Variants in CLCN2 observed in about 807,000 individuals in gnomAD.
The protein encoded by CLCN2 is chloride voltage-gated channel 2.
In CLCN2, 72 loss-of-function variants were observed where a neutral mutation model predicts 108.3. That is an observed-to-expected ratio of 0.66 (90% confidence interval 0.55 to 0.81). The LOEUF (loss-of-function observed/expected upper bound fraction) is 0.81. Among genes scored for constraint, CLCN2 ranks in the 30% least tolerant of loss-of-function variants. CLCN2 has a pLI of 0.00. For synonymous variants in CLCN2, 471 were observed against 467.1 expected (o/e 1.01, Z -0.11); for missense variants, 1,048 against 1,205.2 (o/e 0.87, Z 1.93).
chr3:184,356,301 C>G (rs1728539796), intron 10 of CLCN2: 1 of 192,006 alleles, frequency 5.2e-6, no homozygotes, highest in South Asian at 1.0e-4. Flanking sequence ...CCTCCCCACT[C>G]CCAATCCTCA....
chr3:184,354,697 G>C (rs749724092), intron 13 of CLCN2, 39 bp from the exon 14 acceptor site: 5 of 1,483,586 alleles, frequency 3.4e-6, no homozygotes, highest in Non-Finnish European at 4.7e-6. Context: ...AGGCAGTGGA[G>C]GGGGAGGGCA....
At position 184,356,940 on chromosome 3, in the gene CLCN2, T is replaced by C. The variant is rs908692279; in HGVS notation, c.1085+53A>G. 6 of 1,280,794 alleles carry C rather than the reference T, an allele frequency of 4.7e-6. No individual in the cohort carries two copies. In the African/African-American group the frequency reaches 7.3e-5, roughly 16 times the overall value. 79.3% of individuals were successfully genotyped at this position (1,280,794 alleles called of 1,614,324 possible). ...TCCCCATCACTGTCCCCTGACCTACTGTGGCCCTTATACAACTCAAAGCAG... is the reference window on the plus strand; with the variant it reads ...TCCCCATCACTGTCCCCTGACCTACCGTGGCCCTTATACAACTCAAAGCAG... On this transcript the variant is annotated intron_variant, in intron 10 of 23. Transcript: ENST00000265593.
Position 184,355,817 on chromosome 3 carries a change from G to A in CLCN2, c.1086-39C>T, listed in dbSNP as rs201536852. 42 of 1,564,980 alleles carry A rather than the reference G, an allele frequency of 2.7e-5. No individual in the cohort carries two copies. In the East Asian group the frequency reaches 9.0e-4, roughly 34 times the overall value. ...TTTCACATCAGTCGTGGGTGGCCAA[G>A]GGCTGGGTGGCCTCGCATATCTCAG... On this transcript the variant is annotated intron_variant, in intron 10 of 23. Coordinates refer to ENST00000265593, the MANE Select transcript of CLCN2 (RefSeq NM_004366.6). This position sits in a 1 kb window ranked among gnomAD's most constrained non-coding sequence, Gnocchi z 6.3.
rs368851440 is a variant in CLCN2, at chr3:184,360,877, G to A, written c.63+540C>T. ...CCCTCCCTAAAGCTCCTGTCCCCCA[G>A]AGTGGCAAGCCACCTTTTTCCAGAG... On this transcript the variant is annotated intron_variant, in intron 1 of 23. Transcript: ENST00000265593. Among the ~76,000 whole-genome samples, 18 of 152,322 alleles carry A rather than the reference G, an allele frequency of 1.2e-4. No homozygotes were observed. In the East Asian group the frequency reaches 1.7e-3, roughly 15 times the overall value.
intron 19 of CLCN2, 100 bp downstream of exon 19, chr3:184,352,637 G>A (rs1462151125): frequency 4.7e-6 from 7 of 1,476,548 alleles, no homozygotes; most frequent in African/African-American, 2.8e-5. Context: ...GAAGGGCAGG[G>A]AGAATAGAGG....
chr3:184,361,298 TC>T lies in CLCN2; in HGVS notation c.63+118del. 9.1e-7 allele frequency: 1 copy of T among 1,095,564 alleles called. No homozygotes were observed. The highest frequency in any genetic ancestry group is 1.4e-6 in the Non-Finnish European group (1 of 717,904). 67.9% of individuals were successfully genotyped at this position (1,095,564 alleles called of 1,614,324 possible). A position where few individuals can be genotyped will look rare whatever the true frequency, so the allele number is the denominator to read the frequency against. On this transcript the variant is annotated intron_variant, in intron 1 of 23. Transcript: ENST00000265593. This position sits in a 1 kb window ranked among gnomAD's most constrained non-coding sequence, Gnocchi z 6.6. ...AGCCTCAGACTTCCAAGCCTCAGTT[TC>T]CCCAGCTCAAAATGCTAGGACAGGA... is the stretch of plus-strand genomic sequence containing the variant.
chr3:184,355,350 G>A lies in CLCN2; in HGVS notation c.1326+24C>T, dbSNP rs773052958. 1 of 1,613,256 alleles carries A rather than the reference G, an allele frequency of 6.2e-7. No homozygotes were observed. Among genetic ancestry groups the A allele is most frequent in the South Asian group, 1.1e-5 (1 of 91,044 alleles). On this transcript the variant is annotated intron_variant, in intron 12 of 23. Coordinates refer to ENST00000265593, the MANE Select transcript of CLCN2 (RefSeq NM_004366.6). This position sits in a 1 kb window ranked among gnomAD's most constrained non-coding sequence, Gnocchi z 6.3. ...AGAAGGGCAAGCTATGTAAAGGTTA[G>A]CAGTGTACACGTGAGGAGCCCACCT... is the stretch of plus-strand genomic sequence containing the variant.
Position 184,355,518 on chromosome 3 carries a change from T to C in CLCN2, c.1182A>G (p.Lys394=). 1 of 1,614,082 alleles carries C rather than the reference T, an allele frequency of 6.2e-7. No homozygotes were observed. The highest frequency in any genetic ancestry group is 8.5e-7 in the Non-Finnish European group (1 of 1,180,008). Reference sequence around the variant, plus strand: ...TGTCAAACAGGGTGACCAGCGTCTCTTTCTGTGAGAGCTAGAGTGAACAGG... The same window carrying C: ...TGTCAAACAGGGTGACCAGCGTCTCCTTCTGTGAGAGCTAGAGTGAACAGG... ...GQFMAGQLSQ[K]ETLVTLFDNR... Residue 394 remains lysine (K), a synonymous_variant, in exon 12 of 24, where the codon AAA becomes AAG. Coordinates refer to ENST00000265593, the MANE Select transcript of CLCN2 (RefSeq NM_004366.6). This position sits in a 1 kb window ranked among gnomAD's most constrained non-coding sequence, Gnocchi z 6.3.
chr3:184,360,619 A>T (rs933919234), intron 1 of CLCN2, among the ~76,000 whole-genome samples: 31 of 152,136 alleles, frequency 2.0e-4, no homozygotes, highest in Admixed American at 1.3e-4. Context: ...GGTAAAAAGG[A>T]ACCACGGGCC....
intron 3 of CLCN2, 159 bp downstream of exon 3, chr3:184,358,523 G>T: frequency 8.7e-7 from 1 of 1,146,580 alleles, no homozygotes; most frequent in Non-Finnish European, 1.3e-6. Flanking sequence ...GTGCCCTGTG[G>T]GAGTGGCCGA....
Position 184,357,830 on chromosome 3 carries a change from C to T in CLCN2, c.642G>A (p.Met214Ile), listed in dbSNP as rs1480184505. ...GGAACTTGCTGAGAAGGGCAGCACA[C>T]ATGCTTGCGATATGCACAAAAGGGC... ...KEGPFVHIAS[M>I]CAALLSKFLS... is the part of the protein sequence containing the mutation. Residue 214 changes from methionine to isoleucine, a missense_variant, in exon 6 of 24, where the codon ATG becomes ATA. Met to Ile is a conservative substitution (Grantham distance 10). Transcript: ENST00000265593. 5 of 1,613,886 alleles carry T rather than the reference C, an allele frequency of 3.1e-6. No homozygotes were observed. The highest frequency in any genetic ancestry group is 4.2e-6 in the Non-Finnish European group (5 of 1,180,056).
intron 1 of CLCN2, among the ~76,000 whole-genome samples, chr3:184,360,019 G>C (rs1405624849): frequency 6.6e-6 from 1 of 151,734 alleles, no homozygotes; most frequent in African/African-American, 2.4e-5. Context: ...GATAGAGACA[G>C]AGAGAGGGTG....
At position 184,354,210 on chromosome 3, in the gene CLCN2, C is replaced by T. The variant is rs1389726486; in HGVS notation, c.1612G>A (p.Val538Ile). Residue 538 changes from valine to isoleucine, a missense_variant, in exon 15 of 24, where the codon GTC becomes ATC. Physicochemically the swap from Val to Ile is conservative, Grantham distance 29. Coordinates refer to ENST00000265593, the MANE Select transcript of CLCN2 (RefSeq NM_004366.6). ...IAHILPVMIA[V>I]ILANAVAQSL... The stretch of plus-strand genomic sequence containing the variant: ...TGGGCGACAGCGTTGGCCAGGATGA[C>T]GGCGATCATGACAGGCAGGATGTGG... The T allele has an allele frequency of 4.3e-6, 7 of 1,613,256 alleles. No individual in the cohort carries two copies. The highest frequency in any genetic ancestry group is 1.6e-4 in the Middle Eastern group (1 of 6,084).
rs1235804429 is a variant in CLCN2, at chr3:184,352,117, T to C, written c.2311A>G (p.Ile771Val). The part of the protein sequence containing the change: ...DLEGEMSPEE[I>V]LEWEEQQLDE... The stretch of plus-strand genomic sequence containing the variant: ...AGTTGCTGCTCCTCCCACTCCAGAA[T>C]CTGAGGGGAAGAGACTATGAGGTTT... The change falls in exon 22 of 24, where the codon ATT becomes GTT. Residue 771 changes from isoleucine to valine, a missense_variant and splice_region_variant. By Grantham distance (29) the Ile-to-Val change is conservative. Coordinates refer to ENST00000265593, the MANE Select transcript of CLCN2 (RefSeq NM_004366.6). 1.9e-6 allele frequency: 3 copies of C among 1,612,742 alleles called. No homozygotes were observed. Among genetic ancestry groups the C allele is most frequent in the Admixed American group, 1.7e-5 (1 of 59,968 alleles).
chr3:184,346,745 G>T lies in CLCN2; in HGVS notation c.2558C>A (p.Pro853His), dbSNP rs200289365. ...VTAQGVKVRPPLASFRDSATS... is the reference protein window; with the variant it reads ...VTAQGVKVRPHLASFRDSATS... The stretch of plus-strand genomic sequence containing the variant: ...GGCACTGTCTCGGAAGCTGGCGAGG[G>T]GCGGCCGGACTTTCACACCCTGTGC... Residue 853 changes from proline to histidine, a missense_variant, in exon 24 of 24, where the codon CCC becomes CAC. Physicochemically the swap from Pro to His is moderately conservative, Grantham distance 77 (BLOSUM62 -2). Transcript: ENST00000265593. The surrounding 1 kb of genome is among the most constrained non-coding windows in gnomAD (Gnocchi z 6.0). 13 of 1,614,158 alleles carry T rather than the reference G, an allele frequency of 8.1e-6. No individual in the cohort carries two copies. In the East Asian group the frequency reaches 2.9e-4, roughly 36 times the overall value.
chr3:184,353,175 GCCACGGCC>G, intron 17 of CLCN2, 28 bp from the exon 18 acceptor site: 1 of 1,612,432 alleles, frequency 6.2e-7, no homozygotes. Flanking sequence ...GGCTGGTGAG[GCCACGGCC>G]CCAGACCACC....
At position 184,361,318 on chromosome 3, in the gene CLCN2, G is replaced by A; in HGVS notation, c.63+99C>T. 2.4e-6 allele frequency: 3 copies of A among 1,260,456 alleles called. No individual in the cohort carries two copies. The highest frequency in any genetic ancestry group is 3.5e-6 in the Non-Finnish European group (3 of 861,684). The allele number at this position is 1,260,456 out of a possible 1,614,324, so 78.1% of individuals were successfully genotyped here. ...CAGTTTCCCCAGCTCAAAATGCTAG[G>A]ACAGGATTAGGGTAGGCCCCTGGTC... On this transcript the variant is annotated intron_variant, in intron 1 of 23. Coordinates refer to ENST00000265593, the MANE Select transcript of CLCN2 (RefSeq NM_004366.6). This position sits in a 1 kb window ranked among gnomAD's most constrained non-coding sequence, Gnocchi z 6.6.
rs745848056 is a variant in CLCN2, at chr3:184,357,665, C to G, written c.727G>C (p.Ala243Pro). 1.9e-6 allele frequency: 3 copies of G among 1,613,868 alleles called. No individual in the cohort carries two copies. Among genetic ancestry groups the G allele is most frequent in the Non-Finnish European group, 2.5e-6 (3 of 1,180,042 alleles). ...CAGCAGCCCACCCCCACGGCACAGG[C>G]GGCAGCCAGCATCTCTGTGTTCCGG... ...ESRNTEMLAA[A>P]CAVGVGCCFA... Residue 243 changes from alanine to proline, a missense_variant, in exon 7 of 24, where the codon GCC becomes CCC. By Grantham distance (27) the Ala-to-Pro change is conservative. Transcript: ENST00000265593.
At chr3:184,357,514 T>C (rs1728655234) in intron 7 of CLCN2, 27 bp from the exon 8 acceptor site, 5 of 1,614,100 alleles carry the variant, frequency 3.1e-6, no homozygotes, top group Non-Finnish European at 4.2e-6. Flanking sequence ...GACCAGCACT[T>C]GAGGCCTGGG....
Sources: allele counts gnomAD v4.1 joint callset (sites outside exome capture counted in the v4.1 genomes callset), GRCh38; gene constraint gnomAD v4.1.1; non-coding constraint Gnocchi (gnomAD v3.1); transcripts MANE v1.5; gene names NCBI Gene and HGNC (gene_info 2026-07-23, HGNC 2026-07-21).